Variants in R3HDM4 observed in about 807,000 individuals in gnomAD.
R3HDM4 encodes R3H domain-containing protein 4.
In R3HDM4, 30 loss-of-function variants were observed where a neutral mutation model predicts 31.3. That is an observed-to-expected ratio of 0.96 (90% CI 0.72 to 1.30). R3HDM4 has a LOEUF of 1.30. Ranked by LOEUF, R3HDM4 falls within the 50% of genes most tolerant of loss-of-function variation. R3HDM4 has a pLI of 0.00. For missense variants in R3HDM4, 444 were observed against 366.1 expected (o/e 1.21, Z -1.74); for synonymous variants, 196 against 156.6 (o/e 1.25, Z -1.88).
Position 899,749 on chromosome 19 carries a change from C to A in R3HDM4, c.562-63G>T. The A allele has an allele frequency of 2.3e-6, 3 of 1,317,240 alleles. No homozygotes were observed. Among genetic ancestry groups the A allele is most frequent in the Non-Finnish European group, 3.1e-6 (3 of 973,432 alleles). 81.6% of individuals were successfully genotyped at this position (1,317,240 alleles called of 1,614,324 possible). ...CCTGTGGGTGGGGGGCCAGGGAGGT[C>A]CAGGGCCCCCAGGAGCCCACAGCGC... is the stretch of plus-strand genomic sequence containing the variant. On this transcript the variant is annotated intron_variant, in intron 5 of 7. Transcript: ENST00000361574. This position sits in a 1 kb window ranked among gnomAD's most constrained non-coding sequence, Gnocchi z 6.8.
intron 1 of R3HDM4, among the ~76,000 whole-genome samples, chr19:910,080 C>G (rs1168872001): frequency 6.6e-6 from 1 of 152,118 alleles, no homozygotes; most frequent in Admixed American, 6.5e-5. Flanking sequence ...AATCCCAGCA[C>G]TTTGGGAGGC....
intron 7 of R3HDM4, among the ~76,000 whole-genome samples, chr19:897,886 C>T (rs927185499): frequency 2.0e-5 from 3 of 152,212 alleles, no homozygotes; most frequent in Non-Finnish European, 2.9e-5. Context: ...GGCTCCCTGC[C>T]CTGCAGAGGT....
Position 899,773 on chromosome 19 carries a change from G to T in R3HDM4, c.562-87C>A. On this transcript the variant is annotated intron_variant, in intron 5 of 7. Coordinates refer to ENST00000361574, the MANE Select transcript of R3HDM4 (RefSeq NM_138774.4). The surrounding 1 kb of genome is among the most constrained non-coding windows in gnomAD (Gnocchi z 6.8). The stretch of plus-strand genomic sequence containing the variant: ...TCCAGGGCCCCCAGGAGCCCACAGC[G>T]CTGGGCTCAAACATGACCTCTGACC... 1.8e-6 allele frequency: 2 copies of T among 1,116,208 alleles called. No individual in the cohort carries two copies. The highest frequency in any genetic ancestry group is 2.5e-6 in the Non-Finnish European group (2 of 795,774). 69.1% of individuals were successfully genotyped at this position (1,116,208 alleles called of 1,614,324 possible).
Position 899,567 on chromosome 19 carries a change from C to A in R3HDM4, c.647+34G>T, listed in dbSNP as rs2930885. The A allele has an allele frequency of 3.1e-6, 5 of 1,611,670 alleles. No homozygotes were observed. Among genetic ancestry groups the A allele is most frequent in the Non-Finnish European group, 4.2e-6 (5 of 1,178,940 alleles). ...GTGTCCGCCCACCTGGCCGCAGCCT[C>A]GGAGGGTCCGCTCGCCTGGCCGCCC... On this transcript the variant is annotated intron_variant, in intron 6 of 7. Transcript: ENST00000361574. The surrounding 1 kb of genome is among the most constrained non-coding windows in gnomAD (Gnocchi z 6.8).
chr19:900,179 G>A, intron 4 of R3HDM4, 33 bp from the exon 5 acceptor site: 1 of 1,517,066 alleles, frequency 6.6e-7, no homozygotes, highest in South Asian at 1.3e-5. Flanking sequence ...GGCAGTCTTG[G>A]GGTGCTCGTC....
rs768271869 is a variant in R3HDM4, at chr19:900,126, G to C, written c.496C>G (p.Arg166Gly). Residue 166 changes from arginine to glycine, a missense_variant, in exon 5 of 8, where the codon CGC (arginine) becomes GGC (glycine). By Grantham distance (125) the Arg-to-Gly change is moderately radical. Coordinates refer to ENST00000361574, the MANE Select transcript of R3HDM4 (RefSeq NM_138774.4). ...CGGCTGATGCGCTGGAAGCACTCGCGGGGTGTATAGGCGGGGTCCTCTGCA... is the reference window on the plus strand; with the variant it reads ...CGGCTGATGCGCTGGAAGCACTCGCCGGGTGTATAGGCGGGGTCCTCTGCA... Reference protein sequence around the residue: ...RRREDPAYTPRECFQRISRRL... With the variant: ...RRREDPAYTPGECFQRISRRL... 17 of 1,597,442 alleles carry C rather than the reference G, an allele frequency of 1.1e-5. No homozygotes were observed. The highest frequency in any genetic ancestry group is 1.4e-5 in the Non-Finnish European group (16 of 1,172,570).
rs535654986 is a variant in R3HDM4, at chr19:907,607, A to C, written c.72-5477T>G. Among the ~76,000 whole-genome samples the C allele has an allele frequency of 6.6e-5, 10 of 151,822 alleles. No individual in the cohort carries two copies. Among genetic ancestry groups the C allele is most frequent in the African/African-American group, 2.4e-4 (10 of 41,360 alleles). On this transcript the variant is annotated intron_variant, in intron 1 of 7. Transcript: ENST00000361574. The surrounding 1 kb of genome is among the most constrained non-coding windows in gnomAD (Gnocchi z 4.1). ...CTGGATGTGAACCTGGGTCTGACCC[A>C]GAACCCCAGAGCTACCCTGCTTCCC...
At chr19:910,240 G>A (rs962922310) in intron 1 of R3HDM4, among the ~76,000 whole-genome samples, 6 of 152,044 alleles carry the variant, frequency 3.9e-5, no homozygotes, top group Non-Finnish European at 5.9e-5. Flanking sequence ...GAGGAGAATC[G>A]CTTGAACCTG....
At chr19:909,973 C>T (rs935234646) in intron 1 of R3HDM4, among the ~76,000 whole-genome samples, 5 of 151,828 alleles carry the variant, frequency 3.3e-5, no homozygotes, top group South Asian at 2.1e-4. Flanking sequence ...TTCCTTGAGT[C>T]GAGGAGTTCG....
At chr19:905,295 G>C (rs866730300) in intron 1 of R3HDM4, among the ~76,000 whole-genome samples, 1 of 151,804 alleles carries the variant, frequency 6.6e-6, no homozygotes. Flanking sequence ...TCGGGAGTTC[G>C]AGACCATCCT....
intron 1 of R3HDM4, 93 bp downstream of exon 1, chr19:912,994 G>C (rs934678638): frequency 8.4e-4 from 344 of 409,360 alleles, no homozygotes; most frequent in Middle Eastern, 2.2e-3. Context: ...GGGAGGGAAG[G>C]GAAAGGAGGG....
chr19:898,539 C>G (rs1434917177), intron 7 of R3HDM4, among the ~76,000 whole-genome samples: 2 of 152,030 alleles, frequency 1.3e-5, no homozygotes, highest in African/African-American at 4.8e-5. Flanking sequence ...GTGGAGGTTG[C>G]AGTGAGTAAA....
At chr19:901,245 G>A in intron 3 of R3HDM4, 177 bp downstream of exon 3, 1 of 721,400 alleles carries the variant, frequency 1.4e-6, no homozygotes, top group South Asian at 1.9e-5. Flanking sequence ...AAGGTTCCAG[G>A]GGTGGGGTGG....
chr19:901,453 G>A lies in R3HDM4; in HGVS notation c.320C>T (p.Ala107Val), dbSNP rs374266503. The change falls in exon 3 of 8, where the codon GCC (alanine) becomes GTC (valine). Residue 107 changes from alanine (A) to valine (V), a missense_variant. Ala to Val is a moderately conservative substitution (Grantham distance 64, BLOSUM62 0). Transcript: ENST00000361574. Reference protein sequence around the residue: ...LAPPASPGIFAEACNNATYVE... With the variant: ...LAPPASPGIFVEACNNATYVE... Reference sequence around the variant, plus strand: ...ATAGGTGGCGTTGTTGCAGGCCTCGGCAAAGATGCCTGGTGATGCAGGGGG... The same window carrying A: ...ATAGGTGGCGTTGTTGCAGGCCTCGACAAAGATGCCTGGTGATGCAGGGGG... The A allele has an allele frequency of 4.6e-4, 738 of 1,608,592 alleles. No homozygotes were observed. Among genetic ancestry groups the A allele is most frequent in the Non-Finnish European group, 6.0e-4 (702 of 1,179,522 alleles).
At chr19:901,805 C>T (rs1390778403) in intron 2 of R3HDM4, 171 bp downstream of exon 2, 14 of 494,686 alleles carry the variant, frequency 2.8e-5, no homozygotes, top group East Asian at 5.2e-5. Context: ...GTCCAGGGGG[C>T]GCCTGTGTCT....
rs571230077 is a variant in R3HDM4 at position 904,283 on chromosome 19, C to T, written c.72-2153G>A. Among the ~76,000 whole-genome samples, 14 of 152,276 alleles carry T rather than the reference C, an allele frequency of 9.2e-5. No homozygotes were observed. In the East Asian group the frequency reaches 2.1e-3, roughly 23 times the overall value. ...GTCCCGCCTCGGACCTTCGCACAGG[C>T]GGCTCGGGTTTGCTGGCTGGCTGTA... is the stretch of plus-strand genomic sequence containing the variant. On this transcript the variant is annotated intron_variant, in intron 1 of 7. Transcript: ENST00000361574.
intron 1 of R3HDM4, among the ~76,000 whole-genome samples, chr19:909,406 G>C (rs1029876841): frequency 6.6e-6 from 1 of 151,952 alleles, no homozygotes; most frequent in Non-Finnish European, 1.5e-5. Context: ...CCCCCCACCA[G>C]GACACAGCTG....
rs137896716 is a variant in R3HDM4 at position 912,380 on chromosome 19, G to A, written c.71+707C>T. ...GGGGCGGGCCCGGGAGTGGGGGCGCGGACCCGGGAGTGGGGGCGAAGACCA... is the reference window on the plus strand; with the variant it reads ...GGGGCGGGCCCGGGAGTGGGGGCGCAGACCCGGGAGTGGGGGCGAAGACCA... On this transcript the variant is annotated intron_variant, in intron 1 of 7. Transcript: ENST00000361574. 3.1e-3 allele frequency among the ~76,000 whole-genome samples: 330 copies of A among 107,070 alleles called. 5 individuals are homozygous for A. The highest frequency in any genetic ancestry group is 0.012 in the African/African-American group (301 of 25,652). The allele number at this position is 107,070 out of a possible 152,430, so 70.2% of individuals were successfully genotyped here.
At chr19:901,323 C>T (rs753591901) in intron 3 of R3HDM4, 99 bp downstream of exon 3, 57 of 1,318,024 alleles carry the variant, frequency 4.3e-5, no homozygotes, top group Non-Finnish European at 5.4e-5. Context: ...CAGAAGTGGG[C>T]GGGTGCTTCT....
Sources: gnomAD v4.1 joint callset for allele counts (sites outside exome capture counted in the v4.1 genomes callset) on GRCh38, gnomAD v4.1.1 for gene constraint, Gnocchi (gnomAD v3.1) non-coding constraint, MANE v1.5 for transcripts, NCBI Gene and HGNC (gene_info 2026-07-23, HGNC 2026-07-21) for gene names.